Variants in LIPC observed in about 807,000 individuals in gnomAD.
The protein encoded by LIPC is hepatic triacylglycerol lipase.
In LIPC, 44 loss-of-function variants were observed where a neutral mutation model predicts 50.7. The ratio of observed to expected loss-of-function variants is 0.87; its 90% confidence interval spans 0.68 to 1.11. The LOEUF (loss-of-function observed/expected upper bound fraction) is 1.11, where lower values mean the gene tolerates loss of function less well. Ranked by LOEUF, LIPC falls within the 50% of genes most tolerant of loss-of-function variation. The pLI, the probability that LIPC is intolerant of heterozygous loss-of-function variation, is 0.00. For missense variants in LIPC, 697 were observed against 648.2 expected (o/e 1.08, Z -0.82); for synonymous variants, 271 against 256.4 (o/e 1.06, Z -0.54).
At chr15:58,478,617 G>A (rs1405047095) in intron 1 of LIPC, among the ~76,000 whole-genome samples, 1 of 152,182 alleles carries the variant, frequency 6.6e-6, no homozygotes, top group Non-Finnish European at 1.5e-5. Context: ...CATAGAGGAG[G>A]TAATTAGGAC....
intron 6 of LIPC, among the ~76,000 whole-genome samples, chr15:58,557,541 C>T (rs1046842756): frequency 1.3e-5 from 2 of 152,010 alleles, no homozygotes; most frequent in South Asian, 2.1e-4. Flanking sequence ...CCCACCACCA[C>T]GCCCCGCTAA....
chr15:58,524,266 G>A (rs1435006782), intron 1 of LIPC, among the ~76,000 whole-genome samples: 2 of 152,148 alleles, frequency 1.3e-5, no homozygotes, highest in African/African-American at 4.8e-5. Context: ...TTTCAAATCA[G>A]TACAGAGTGT....
intron 1 of LIPC, among the ~76,000 whole-genome samples, chr15:58,441,196 G>A (rs956162478): frequency 3.3e-5 from 5 of 152,162 alleles, no homozygotes; most frequent in Non-Finnish European, 7.3e-5. Flanking sequence ...TTTCCTCCAA[G>A]ACAAGCCTCA....
At chr15:58,524,979 G>A (rs930388039) in intron 1 of LIPC, among the ~76,000 whole-genome samples, 12 of 152,154 alleles carry the variant, frequency 7.9e-5, no homozygotes, top group Admixed American at 4.6e-4. Context: ...TTGAATCACA[G>A]AGGGAGATTC....
intron 1 of LIPC, among the ~76,000 whole-genome samples, chr15:58,459,818 C>A (rs1894275419): frequency 6.6e-6 from 1 of 152,248 alleles, no homozygotes; most frequent in African/African-American, 2.4e-5. Context: ...ACAGAGGTAT[C>A]TGAGGGATTC....
intron 1 of LIPC, among the ~76,000 whole-genome samples, chr15:58,465,655 T>A (rs1159138900): frequency 6.6e-6 from 1 of 151,862 alleles, no homozygotes; most frequent in Non-Finnish European, 1.5e-5. Context: ...GGTAAGTACT[T>A]GGGTTAGGCA....
chr15:58,477,489 A>T (rs1216303266), intron 1 of LIPC, among the ~76,000 whole-genome samples: 1 of 152,242 alleles, frequency 6.6e-6, no homozygotes, highest in Non-Finnish European at 1.5e-5. Flanking sequence ...GAGCCAAAGC[A>T]ATTTTGAAGT....
intron 1 of LIPC, among the ~76,000 whole-genome samples, chr15:58,494,444 C>A (rs57774188): frequency 1.3e-5 from 2 of 152,188 alleles, no homozygotes; most frequent in African/African-American, 2.4e-5. Context: ...GGTCATCCAA[C>A]CTCATTTACG....
At chr15:58,518,895 GACACTCACA>G (rs1466142448) in intron 1 of LIPC, among the ~76,000 whole-genome samples, 1 of 150,618 alleles carries the variant, frequency 6.6e-6, no homozygotes, top group African/African-American at 2.5e-5. Flanking sequence ...AAACATAATA[GACACTCACA>G]ACACTCACAG....
chr15:58,507,096 C>A (rs112618259), intron 1 of LIPC, among the ~76,000 whole-genome samples: 1,985 of 152,164 alleles, frequency 0.013, 45 homozygotes, highest in African/African-American at 0.046. Context: ...CCTGGTCCCT[C>A]CCAGGACATG....
chr15:58,523,845 G>A (rs892596992), intron 1 of LIPC, among the ~76,000 whole-genome samples: 6 of 152,010 alleles, frequency 3.9e-5, no homozygotes, highest in Admixed American at 3.9e-4. Context: ...TGAGGAGGGA[G>A]GATCGCTTGA....
intron 1 of LIPC, among the ~76,000 whole-genome samples, chr15:58,460,932 G>A (rs1004033856): frequency 6.6e-6 from 1 of 152,188 alleles, no homozygotes; most frequent in African/African-American, 2.4e-5. Context: ...AGTACCAGTG[G>A]TTTTGACCAA....
chr15:58,493,633 T>C (rs1315305036), intron 1 of LIPC, among the ~76,000 whole-genome samples: 1 of 145,986 alleles, frequency 6.8e-6, no homozygotes, highest in African/African-American at 2.5e-5. Context: ...AAATAAAATT[T>C]ATACAAAATT....
At chr15:58,432,360 A>G (rs1298240060) in intron 1 of LIPC, 5 of 560,868 alleles carry the variant, frequency 8.9e-6, no homozygotes, top group African/African-American at 7.5e-5. Context: ...CTAGCAGTGA[A>G]GTCTCTTGCG....
chr15:58,487,370 A>G lies in LIPC; in HGVS notation c.89-50963A>G, dbSNP rs541143155. Among the ~76,000 whole-genome samples the G allele has an allele frequency of 9.2e-5, 14 of 152,358 alleles. No individual in the cohort carries two copies. In the South Asian group the frequency reaches 2.9e-3, roughly 32 times the overall value. ...GGAAGGTATGCACAACAGTTAGCAG[A>G]CTGCTTGGTACAAAGTAAGCGCTCA... On this transcript the variant is annotated intron_variant, in intron 1 of 8. Coordinates refer to ENST00000299022, the MANE Select transcript of LIPC (RefSeq NM_000236.3).
chr15:58,497,195 T>C (rs1208491609), intron 1 of LIPC, among the ~76,000 whole-genome samples: 1 of 151,958 alleles, frequency 6.6e-6, no homozygotes, highest in African/African-American at 2.4e-5. Flanking sequence ...GTGCAGTAAA[T>C]CCAAATCTTT....
chr15:58,516,522 G>A (rs564706811), intron 1 of LIPC, among the ~76,000 whole-genome samples: 1 of 151,912 alleles, frequency 6.6e-6, no homozygotes, highest in Non-Finnish European at 1.5e-5. Context: ...TTTATTTTCA[G>A]CCTTTATTCT....
intron 1 of LIPC, among the ~76,000 whole-genome samples, chr15:58,475,555 C>A (rs1968685): frequency 6.6e-6 from 1 of 151,946 alleles, no homozygotes; most frequent in Non-Finnish European, 1.5e-5. Context: ...ACAAAGGTGA[C>A]TGTCCCCTCT....
chr15:58,542,487 C>A (rs1326356453), intron 3 of LIPC, 47 bp from the exon 4 acceptor site: 2 of 1,277,348 alleles, frequency 1.6e-6, no homozygotes, highest in Non-Finnish European at 2.3e-6. Flanking sequence ...AAAAGGCTTT[C>A]ATCCAGGCAG....
Sources: allele counts gnomAD v4.1 joint callset (sites outside exome capture counted in the v4.1 genomes callset), GRCh38; gene constraint gnomAD v4.1.1; transcripts MANE v1.5; gene names NCBI Gene and HGNC (gene_info 2026-07-23, HGNC 2026-07-21).